The following DHX30 variants were observed in gnomAD, a reference collection of about 807,000 sequenced individuals.
The protein encoded by DHX30 is DExH-box helicase 30, also known as ATP-dependent RNA helicase DHX30.
Under a neutral mutation model 116.9 loss-of-function variants are expected in DHX30, and 4 were observed. The ratio of observed to expected loss-of-function variants is 0.03; its 90% CI spans 0.02 to 0.08. The LOEUF is 0.08. Ranked by LOEUF, DHX30 falls within the 10% of genes least tolerant of loss-of-function variation. The pLI, the probability that DHX30 is intolerant of heterozygous loss-of-function variation, is 1.00. For synonymous variants in DHX30, 697 were observed against 651.7 expected (o/e 1.07, Z -1.06); for missense variants, 871 against 1,595.1 (o/e 0.55, Z 7.73).
At position 47,850,114 on chromosome 3, in the gene DHX30, C is replaced by T. The variant is rs773244355; in HGVS notation, c.3579C>T (p.Asp1193=). ...GCTTTGATGTGCGCAAGACAGCTGA[C>T]GACTGAGCCCTGCTTCTGCTGGGGC... The part of the protein sequence containing the change: ...CGSFDVRKTA[D]D Residue 1193 remains aspartate, a synonymous_variant, in exon 22 of 22, where the codon GAC becomes GAT. Transcript: ENST00000445061. 9 of 1,586,846 alleles carry T rather than the reference C, an allele frequency of 5.7e-6. No individual in the cohort carries two copies. The highest frequency in any genetic ancestry group is 1.8e-4 in the Middle Eastern group (1 of 5,546).
At chr3:47,834,577 C>T (rs2037017419) in intron 6 of DHX30, among the ~76,000 whole-genome samples, 1 of 152,084 alleles carries the variant, frequency 6.6e-6, no homozygotes, top group Admixed American at 6.6e-5. Flanking sequence ...TCAAGAGATC[C>T]TCCCACCTCA....
intron 4 of DHX30, among the ~76,000 whole-genome samples, chr3:47,824,602 A>G (rs916152746): frequency 6.6e-6 from 1 of 152,180 alleles, no homozygotes; most frequent in African/African-American, 2.4e-5. Flanking sequence ...CTGGCTCCAG[A>G]TCTTCACCAG....
chr3:47,819,381 G>A, intron 4 of DHX30: 1 of 964,836 alleles, frequency 1.0e-6, no homozygotes, highest in Non-Finnish European at 1.5e-6. Flanking sequence ...GGAGAACACT[G>A]ATCGCAGGAT....
At chr3:47,841,562 G>C in intron 7 of DHX30, 55 bp from the exon 8 acceptor site, 1 of 1,612,394 alleles carries the variant, frequency 6.2e-7, no homozygotes, top group Non-Finnish European at 8.5e-7. Flanking sequence ...CAGAGCCTCA[G>C]GGAAATTGGT....
At position 47,841,331 on chromosome 3, in the gene DHX30, T is replaced by G. The variant is rs560420885; in HGVS notation, c.668+153T>G. Among the ~76,000 whole-genome samples the G allele has an allele frequency of 7.2e-5, 11 of 152,350 alleles. 1 individual carries two copies. In the South Asian group the frequency reaches 1.9e-3, roughly 26 times the overall value. On this transcript the variant is annotated intron_variant, in intron 7 of 21. Transcript: ENST00000445061. ...TCACTCAGTGTGTGTCTGCCCATTCTTGGGGGACAGCCAGCTGTGGTCTTC... is the reference window on the plus strand; with the variant it reads ...TCACTCAGTGTGTGTCTGCCCATTCGTGGGGGACAGCCAGCTGTGGTCTTC...
At chr3:47,842,607 C>T (rs1212498382) in intron 8 of DHX30, 2 of 152,678 alleles carry the variant, frequency 1.3e-5, no homozygotes, top group African/African-American at 4.8e-5. Context: ...GAGCCCCTTC[C>T]TCGTGGCCGA....
intron 6 of DHX30, among the ~76,000 whole-genome samples, chr3:47,834,016 T>A (rs767382334): frequency 6.6e-6 from 1 of 152,218 alleles, no homozygotes; most frequent in African/African-American, 2.4e-5. Flanking sequence ...ATTTCTCTTT[T>A]CTTCCTGCCC....
Position 47,847,278 on chromosome 3 carries a change from G to C in DHX30, c.1935G>C (p.Glu645Asp). 6.2e-7 allele frequency: 1 copy of C among 1,614,246 alleles called. No homozygotes were observed. The highest frequency in any genetic ancestry group is 8.5e-7 in the Non-Finnish European group (1 of 1,180,040). ...CCTCTCTTCCCCCACCCCAGTCTGA[G>C]GATGAATGCGCACTCGATTTGGACC... ...YLHRHRHHES[E>D]DECALDLDLV... Residue 645 changes from glutamate (E) to aspartate (D), a missense_variant, in exon 12 of 22, where the codon GAG becomes GAC. By Grantham distance (45) the Glu-to-Asp change is conservative. Transcript: ENST00000445061. The surrounding 1 kb of genome is among the most constrained non-coding windows in gnomAD (Gnocchi z 5.5).
At chr3:47,841,784 C>G in intron 8 of DHX30, 47 bp downstream of exon 8, 1 of 1,613,682 alleles carries the variant, frequency 6.2e-7, no homozygotes, top group South Asian at 1.1e-5. Context: ...TTTACTTGGT[C>G]ATGTCTGGTG....
At chr3:47,806,824 C>T (rs1436295419) in intron 2 of DHX30, among the ~76,000 whole-genome samples, 1 of 150,724 alleles carries the variant, frequency 6.6e-6, no homozygotes, top group Non-Finnish European at 1.5e-5. Flanking sequence ...AACTCCTGAC[C>T]TCAGGCAATC....
chr3:47,813,302 C>T (rs2035886019), intron 3 of DHX30, among the ~76,000 whole-genome samples: 3 of 152,120 alleles, frequency 2.0e-5, no homozygotes, highest in Admixed American at 2.0e-4. Flanking sequence ...GAGATCGCGC[C>T]ACTGTCTGGC....
chr3:47,819,192 G>C (rs769629526), intron 4 of DHX30: 2 of 1,362,876 alleles, frequency 1.5e-6, no homozygotes, highest in Non-Finnish European at 2.0e-6. Context: ...AGAGTTGATT[G>C]CCCTTTTTTT....
intron 3 of DHX30, among the ~76,000 whole-genome samples, chr3:47,813,240 G>A (rs1448504842): frequency 6.6e-6 from 1 of 152,148 alleles, no homozygotes; most frequent in African/African-American, 2.4e-5. Flanking sequence ...CTACTCGGGA[G>A]GCTGAGGCAG....
intron 3 of DHX30, chr3:47,816,250 C>T (rs2036045926): frequency 1.0e-6 from 1 of 984,496 alleles, no homozygotes. Context: ...ACTTTTTGAC[C>T]AAAATATGAC....
intron 6 of DHX30, among the ~76,000 whole-genome samples, chr3:47,838,913 AC>A (rs1173301012): frequency 6.6e-6 from 1 of 152,048 alleles, no homozygotes; most frequent in Non-Finnish European, 1.5e-5. Context: ...TTGCTCTGTC[AC>A]CCAGGCTGGA....
chr3:47,808,565 T>A (rs961975100), intron 2 of DHX30, among the ~76,000 whole-genome samples: 1 of 151,408 alleles, frequency 6.6e-6, no homozygotes, highest in Non-Finnish European at 1.5e-5. Context: ...TTTTTTTTTC[T>A]TAAATTTATT....
At chr3:47,808,763 G>A (rs1004310464) in intron 2 of DHX30, among the ~76,000 whole-genome samples, 22 of 151,138 alleles carry the variant, frequency 1.5e-4, no homozygotes, top group Non-Finnish European at 8.8e-5. Flanking sequence ...TTTACTGGGG[G>A]CGAGGTTTCC....
chr3:47,828,938 G>T, intron 5 of DHX30, 86 bp from the exon 6 acceptor site: 1 of 777,120 alleles, frequency 1.3e-6, no homozygotes, highest in Non-Finnish European at 2.2e-6. Flanking sequence ...CTGCTGTGAG[G>T]TCCACCACTG....
intron 5 of DHX30, among the ~76,000 whole-genome samples, chr3:47,828,822 G>A (rs1290526673): frequency 6.6e-6 from 1 of 152,110 alleles, no homozygotes; most frequent in Non-Finnish European, 1.5e-5. Context: ...AGAACAGATT[G>A]TTTCACGGTG....
Sources: gnomAD v4.1 joint callset for allele counts (sites outside exome capture counted in the v4.1 genomes callset) on GRCh38, gnomAD v4.1.1 for gene constraint, Gnocchi (gnomAD v3.1) non-coding constraint, MANE v1.5 for transcripts, NCBI Gene and HGNC (gene_info 2026-07-23, HGNC 2026-07-21) for gene names.